PTPRA: variants seen among roughly 807,000 people sequenced by gnomAD.
PTPRA encodes receptor-type tyrosine-protein phosphatase alpha.
Under a neutral mutation model 104.8 loss-of-function variants are expected in PTPRA, and 25 were observed. The ratio of observed to expected loss-of-function variants is 0.24; its 90% confidence interval spans 0.17 to 0.33. PTPRA has a LOEUF of 0.33. PTPRA is among the 10% of genes least tolerant of loss of function. The pLI, the probability that PTPRA is intolerant of heterozygous loss-of-function variation, is 1.00. For missense variants in PTPRA, 765 were observed against 1,015.3 expected (o/e 0.75, Z 3.35); for synonymous variants, 323 against 368.9 (o/e 0.88, Z 1.43).
intron 1 of PTPRA, among the ~76,000 whole-genome samples, chr20:2,896,449 T>C (rs2059004739): frequency 6.6e-6 from 1 of 152,208 alleles, no homozygotes; most frequent in African/African-American, 2.4e-5. Context: ...CTTTCAGTCC[T>C]TTGGAAATTG....
At chr20:2,869,550 G>T (rs1157549061), upstream of PTPRA, among the ~76,000 whole-genome samples, 1 of 152,242 alleles carries the variant, frequency 6.6e-6, no homozygotes, top group East Asian at 1.9e-4. Flanking sequence ...ACATGGGTGG[G>T]CAGGGCCAAG....
chr20:2,970,528 A>T (rs1298405019), intron 5 of PTPRA, among the ~76,000 whole-genome samples: 1 of 152,070 alleles, frequency 6.6e-6, no homozygotes, highest in African/African-American at 2.4e-5. Flanking sequence ...GATATTCTTT[A>T]CCCATTTTTA....
chr20:3,007,954 C>G (rs971157794), intron 11 of PTPRA, among the ~76,000 whole-genome samples: 2 of 151,976 alleles, frequency 1.3e-5, no homozygotes, highest in African/African-American at 4.8e-5. Flanking sequence ...ATAGAACAGT[C>G]TGTATGAGAG....
intron 17 of PTPRA, 62 bp from the exon 18 acceptor site, chr20:3,026,625 C>A: frequency 7.5e-7 from 1 of 1,330,022 alleles, no homozygotes; most frequent in Non-Finnish European, 1.1e-6. Flanking sequence ...AAGGGACAGG[C>A]ATAATCTTGT....
intron 3 of PTPRA, chr20:2,955,612 T>C (rs2061508223): frequency 1.0e-6 from 1 of 984,726 alleles, no homozygotes; most frequent in Non-Finnish European, 1.2e-6. Flanking sequence ...GTTCTAGGAC[T>C]TCTTCAGAAG....
intron 11 of PTPRA, among the ~76,000 whole-genome samples, chr20:3,014,638 C>T (rs561452400): frequency 1.4e-4 from 21 of 150,568 alleles, no homozygotes; most frequent in African/African-American, 4.4e-4. Context: ...AGCAAGACTC[C>T]GTCTCAAAAA....
At chr20:2,881,082 G>T (rs1207437672) in intron 1 of PTPRA, among the ~76,000 whole-genome samples, 1 of 151,882 alleles carries the variant, frequency 6.6e-6, no homozygotes, top group Non-Finnish European at 1.5e-5. Flanking sequence ...GTCAGGGTGG[G>T]TGGATCACAA....
intron 2 of PTPRA, among the ~76,000 whole-genome samples, chr20:2,942,403 A>T (rs1430589087): frequency 6.6e-6 from 1 of 152,002 alleles, no homozygotes; most frequent in Non-Finnish European, 1.5e-5. Context: ...GGCTTATTTT[A>T]TTCCATTCTT....
At chr20:2,904,124 C>T (rs1003608820) in intron 1 of PTPRA, among the ~76,000 whole-genome samples, 4 of 151,816 alleles carry the variant, frequency 2.6e-5, no homozygotes, top group African/African-American at 9.7e-5. Context: ...CTATGATGCC[C>T]CGGCTGGTCT....
intron 5 of PTPRA, among the ~76,000 whole-genome samples, chr20:2,973,156 A>G (rs537231721): frequency 6.6e-6 from 1 of 151,890 alleles, no homozygotes; most frequent in Non-Finnish European, 1.5e-5. Flanking sequence ...TTTAGGCTGA[A>G]TAACCATTTA....
Position 3,027,804 on chromosome 20 carries a change from C to G in PTPRA, c.1883C>G (p.Ser628Cys). The G allele has an allele frequency of 6.2e-7, 1 of 1,614,166 alleles. No homozygotes were observed. Among genetic ancestry groups the G allele is most frequent in the Non-Finnish European group, 8.5e-7 (1 of 1,180,038 alleles). Residue 628 changes from serine to cysteine, a missense_variant, in exon 20 of 24, where the codon TCT becomes TGT. By Grantham distance (112) the Ser-to-Cys change is moderately radical. Around this residue, in one of 4 missense-constraint regions of PTPRA, gnomAD observed 192 missense variants for 227.0 expected, o/e 0.85. Transcript: ENST00000399903. Reference protein sequence around the residue: ...WRMIWEWKSCSIVMLTELEER... With the variant: ...WRMIWEWKSCCIVMLTELEER... ...ATGATCTGGGAGTGGAAATCCTGCT[C>G]TATCGTGATGCTAACAGAACTGGAG...
intron 1 of PTPRA, among the ~76,000 whole-genome samples, chr20:2,894,416 G>T (rs1308049502): frequency 1.3e-5 from 2 of 152,142 alleles, no homozygotes; most frequent in Admixed American, 6.5e-5. Context: ...AAGTAAATCT[G>T]TTGGGTCCTG....
Position 2,915,961 on chromosome 20 carries a change from G to GA in PTPRA, c.-128-7243dup, listed in dbSNP as rs1056035622. On this transcript the variant is annotated intron_variant, in intron 1 of 23. Transcript: ENST00000399903. ...TGCACTCCAGCCTGGGCCACAGAGC[G>GA]AAACTATGTTTCCAAAAAAATAATA... Among the ~76,000 whole-genome samples, 113 of 152,296 alleles carry GA rather than the reference G, an allele frequency of 7.4e-4. 1 individual carries two copies. The highest frequency in any genetic ancestry group is 2.6e-3 in the African/African-American group (108 of 41,556).
At chr20:3,021,907 T>C in intron 14 of PTPRA, 147 bp from the exon 15 acceptor site, 1 of 1,030,912 alleles carries the variant, frequency 9.7e-7, no homozygotes, top group Non-Finnish European at 1.4e-6. Context: ...TGACTAGTTG[T>C]GAGACCTTGT....
intron 5 of PTPRA, among the ~76,000 whole-genome samples, chr20:2,965,466 AAGAC>A (rs2081692350): frequency 6.6e-6 from 1 of 152,222 alleles, no homozygotes; most frequent in Non-Finnish European, 1.5e-5. Context: ...AAGGCTTAAA[AAGAC>A]AAGAGAAATA....
At chr20:2,961,341 G>A (rs2061748510) in intron 3 of PTPRA, among the ~76,000 whole-genome samples, 1 of 152,172 alleles carries the variant, frequency 6.6e-6, no homozygotes, top group Admixed American at 6.5e-5. Context: ...CATTTTCATA[G>A]ATGTGTAGTG....
intron 6 of PTPRA, among the ~76,000 whole-genome samples, chr20:2,977,916 C>T (rs1010837753): frequency 5.3e-5 from 8 of 152,016 alleles, no homozygotes; most frequent in Admixed American, 1.3e-4. Flanking sequence ...TGAGGGAACT[C>T]AGAAGGCTCA....
chr20:2,867,000 G>A, the PTPRA span, among the ~76,000 whole-genome samples: 1 of 152,248 alleles, frequency 6.6e-6, no homozygotes, highest in African/African-American at 2.4e-5. Flanking sequence ...CTGTGTGTGT[G>A]CGTGTAAACA....
At chr20:2,870,855 G>C (rs142742949), upstream of PTPRA, among the ~76,000 whole-genome samples, 166 of 152,340 alleles carry the variant, frequency 1.1e-3, no homozygotes, top group Middle Eastern at 0.01. Flanking sequence ...AGGAGTAGGA[G>C]GGCTCTGCAG....
Sources: gnomAD v4.1 joint callset for allele counts (sites outside exome capture counted in the v4.1 genomes callset) on GRCh38, gnomAD v4.1.1 for gene constraint, gnomAD v4.1.1 regional missense constraint, MANE v1.5 for transcripts, NCBI Gene and HGNC (gene_info 2026-07-23, HGNC 2026-07-21) for gene names.